The following MYO7B variants were observed in gnomAD, a reference collection of about 807,000 sequenced individuals.
The protein encoded by MYO7B is myosin VIIB, also known as unconventional myosin-VIIb.
In MYO7B, 212 loss-of-function variants were observed where a neutral mutation model predicts 259.7. That is an observed-to-expected ratio of 0.82 (90% CI 0.73 to 0.91). The LOEUF (loss-of-function observed/expected upper bound fraction) is 0.91. Ranked by LOEUF, MYO7B falls within the 40% of genes least tolerant of loss-of-function variation. MYO7B has a pLI of 0.00. For missense variants in MYO7B, 2,732 were observed against 2,813.5 expected, an observed-to-expected ratio of 0.97 and a Z score of 0.66; for synonymous variants, 1,197 against 1,166.4, an observed-to-expected ratio of 1.03 and a Z score of -0.54.
At chr2:127,556,175 T>A (rs754521479) in intron 1 of MYO7B, among the ~76,000 whole-genome samples, 2 of 152,248 alleles carry the variant, frequency 1.3e-5, no homozygotes, top group Non-Finnish European at 2.9e-5. Context: ...CTTTAACTGC[T>A]GTTGCTTTAA....
rs1677956710 is a variant in MYO7B at position 127,559,123 on chromosome 2, C to T, written c.-23-577C>T. 6.6e-6 allele frequency among the ~76,000 whole-genome samples: 1 copy of T among 152,206 alleles called. No individual in the cohort carries two copies. The highest frequency in any genetic ancestry group is 1.5e-5 in the Non-Finnish European group (1 of 68,026). ...AGTGGGCTCCTCCCCGCTCCTCCTCCTGCTGGGCCTGGCTGCCTACTTGGG... is the reference window on the plus strand; with the variant it reads ...AGTGGGCTCCTCCCCGCTCCTCCTCTTGCTGGGCCTGGCTGCCTACTTGGG... On this transcript the variant is annotated intron_variant, in intron 1 of 47. Transcript: ENST00000409816. The surrounding 1 kb of genome is among the most constrained non-coding windows in gnomAD (Gnocchi z 4.1).
chr2:127,630,819 T>C lies in MYO7B; in HGVS notation c.4848T>C (p.Ala1616=). ...AMSPEKRKLA[A]QEGQFTEPRP... ...CACCAGAGAAGAGGAAGCTGGCGGC[T>C]CAGGAGGGGCAGTTCACAGAGCCAC... Residue 1616 remains alanine (A), a synonymous_variant, in exon 36 of 48, where the codon GCT becomes GCC. Coordinates refer to ENST00000409816, the MANE Select transcript of MYO7B (RefSeq NM_001393586.1). 2 of 1,612,972 alleles carry C rather than the reference T, an allele frequency of 1.2e-6. No individual in the cohort carries two copies. Among genetic ancestry groups the C allele is most frequent in the Non-Finnish European group, 8.5e-7 (1 of 1,179,758 alleles).
At position 127,628,052 on chromosome 2, in the gene MYO7B, T is replaced by A; in HGVS notation, c.4461-320T>A. 1.8e-6 allele frequency: 1 copy of A among 548,268 alleles called. No homozygotes were observed. Among genetic ancestry groups the A allele is most frequent in the Non-Finnish European group, 3.5e-6 (1 of 286,624 alleles). 34.0% of individuals were successfully genotyped at this position (548,268 alleles called of 1,614,324 possible). ...GGTTAGGTGGCTCAGAGTAAGCACA[T>A]GGCAGAGCCGGCAGCTCATCTCAGC... is the stretch of plus-strand genomic sequence containing the variant. On this transcript the variant is annotated intron_variant, in intron 33 of 47. Coordinates refer to ENST00000409816, the MANE Select transcript of MYO7B (RefSeq NM_001393586.1). The surrounding 1 kb of genome is among the most constrained non-coding windows in gnomAD (Gnocchi z 4.8).
At chr2:127,566,346 A>T (rs1678341534) in intron 4 of MYO7B, among the ~76,000 whole-genome samples, 1 of 152,186 alleles carries the variant, frequency 6.6e-6, no homozygotes, top group African/African-American at 2.4e-5. Context: ...TACTTAGTCC[A>T]TTTTTATCGA....
At chr2:127,574,208 C>A (rs1678766279) in intron 7 of MYO7B, 146 bp downstream of exon 7, 3 of 1,068,186 alleles carry the variant, frequency 2.8e-6, no homozygotes, top group Non-Finnish European at 4.0e-6. Context: ...GAGGGCCCTT[C>A]CCCAGTATTC....
rs188240140 is a variant in MYO7B at position 127,575,463 on chromosome 2, A to G, written c.736-1132A>G. 9.2e-5 allele frequency among the ~76,000 whole-genome samples: 14 copies of G among 152,278 alleles called. No homozygotes were observed. The East Asian group carries it at 1.2e-3, about 13-fold the overall frequency. On this transcript the variant is annotated intron_variant, in intron 7 of 47. Transcript: ENST00000409816. ...AAGAATTTAAAATTACGGCATATCT[A>G]TACTACAGAGGAGGCGGTCTGTCCA...
At position 127,582,292 on chromosome 2, in the gene MYO7B, G is replaced by A. The variant is rs772587178; in HGVS notation, c.1201-12G>A. 1.9e-5 allele frequency: 31 copies of A among 1,611,954 alleles called. No homozygotes were observed. Among genetic ancestry groups the A allele is most frequent in the South Asian group, 7.7e-5 (7 of 90,438 alleles). On this transcript the variant is annotated splice_polypyrimidine_tract_variant and intron_variant, in intron 11 of 47. Coordinates refer to ENST00000409816, the MANE Select transcript of MYO7B (RefSeq NM_001393586.1). ...CCAAGCCCAGGATTCTCCCACCCCC[G>A]TGTCTCTCCAGGGCATCTATGGGCA... is the stretch of plus-strand genomic sequence containing the variant.
chr2:127,547,339 C>T (rs553251235), intron 1 of MYO7B, among the ~76,000 whole-genome samples: 2 of 152,260 alleles, frequency 1.3e-5, no homozygotes, highest in African/African-American at 4.8e-5. Context: ...AAATCGCAGC[C>T]TCTGCATGTG....
Position 127,609,675 on chromosome 2 carries a change from GATACCC to G in MYO7B, c.2985_2990del (p.Tyr996_Pro997del). ...CACACACACATCCGGCGGCCCCTCC[GATACCC>G]GTTGCTTTACCACGAAGATGACACT... On this transcript the variant is annotated inframe_deletion, in exon 23 of 48. Coordinates refer to ENST00000409816, the MANE Select transcript of MYO7B (RefSeq NM_001393586.1). This position sits in a 1 kb window ranked among gnomAD's most constrained non-coding sequence, Gnocchi z 6.9. The G allele has an allele frequency of 6.2e-7, 1 of 1,613,938 alleles. No individual in the cohort carries two copies. Among genetic ancestry groups the G allele is most frequent in the Non-Finnish European group, 8.5e-7 (1 of 1,179,864 alleles).
At chr2:127,555,816 C>T (rs560844157) in intron 1 of MYO7B, among the ~76,000 whole-genome samples, 11 of 152,226 alleles carry the variant, frequency 7.2e-5, no homozygotes, top group East Asian at 1.9e-4. Context: ...TGTGGCTTAT[C>T]GTATGGTCTA....
chr2:127,609,977 G>A lies in MYO7B; in HGVS notation c.3153G>A (p.Glu1051=). The stretch of plus-strand genomic sequence containing the variant: ...AGATCCATGACACGCTGGGCAGGGA[G>A]CACGGTGCCCAGGTTCCACAGCACA... ...MRQIHDTLGR[E]HGAQVPQHSR... The change falls in exon 24 of 48, where the codon GAG becomes GAA. Residue 1051 remains glutamate (E), a synonymous_variant. Coordinates refer to ENST00000409816, the MANE Select transcript of MYO7B (RefSeq NM_001393586.1). This position sits in a 1 kb window ranked among gnomAD's most constrained non-coding sequence, Gnocchi z 6.9. The A allele has an allele frequency of 6.2e-7, 1 of 1,608,550 alleles. No homozygotes were observed. Among genetic ancestry groups the A allele is most frequent in the Non-Finnish European group, 8.5e-7 (1 of 1,177,556 alleles).
At chr2:127,596,372 A>T in intron 18 of MYO7B, 90 bp from the exon 19 acceptor site, 1 of 1,064,080 alleles carries the variant, frequency 9.4e-7, no homozygotes. Flanking sequence ...AGCCTGAGAG[A>T]TGCTACCTTC....
At position 127,589,158 on chromosome 2, in the gene MYO7B, G is replaced by C. The variant is rs1416220270; in HGVS notation, c.1854+603G>C. ...GGATGGGTGGGTGGCTGTGTGGATGGGTGAGTGGATGGACGGGTGGGTGGG... is the reference window on the plus strand; with the variant it reads ...GGATGGGTGGGTGGCTGTGTGGATGCGTGAGTGGATGGACGGGTGGGTGGG... On this transcript the variant is annotated intron_variant, in intron 15 of 47. Coordinates refer to ENST00000409816, the MANE Select transcript of MYO7B (RefSeq NM_001393586.1). 2.0e-5 allele frequency among the ~76,000 whole-genome samples: 3 copies of C among 149,904 alleles called. No homozygotes were observed. In the East Asian group the frequency reaches 6.0e-4, roughly 30 times the overall value.
intron 1 of MYO7B, among the ~76,000 whole-genome samples, chr2:127,537,181 A>G (rs1159270611): frequency 3.2e-4 from 49 of 152,204 alleles, no homozygotes. Flanking sequence ...CAGAAAACAA[A>G]AGGGGATTAG....
chr2:127,634,672 C>A lies in MYO7B; in HGVS notation c.5702C>A (p.Pro1901His). ...TCTGACTGGGTGAAGAAGAACAAGC[C>A]CCAGAAAGAAGGTGAGGAGGCCTCT... ...EVSDWVKKNKPQKEGAPVTLP... is the reference protein window; with the variant it reads ...EVSDWVKKNKHQKEGAPVTLP... The change falls in exon 42 of 48, where the codon CCC becomes CAC. Residue 1901 changes from proline to histidine, a missense_variant. Physicochemically the swap from Pro to His is moderately conservative, Grantham distance 77 (BLOSUM62 -2). Around this residue, in one of 3 missense-constraint regions of MYO7B, gnomAD observed 821 missense variants for 769.3 expected, o/e 1.07. Coordinates refer to ENST00000409816, the MANE Select transcript of MYO7B (RefSeq NM_001393586.1). 6.2e-7 allele frequency: 1 copy of A among 1,610,534 alleles called. No individual in the cohort carries two copies. The highest frequency in any genetic ancestry group is 2.2e-5 in the East Asian group (1 of 44,852).
intron 1 of MYO7B, among the ~76,000 whole-genome samples, chr2:127,538,634 C>A (rs966252741): frequency 6.6e-6 from 1 of 151,664 alleles, no homozygotes; most frequent in East Asian, 1.9e-4. Flanking sequence ...GGCATGATCT[C>A]GGCTCACTGC....
intron 1 of MYO7B, among the ~76,000 whole-genome samples, chr2:127,558,667 G>GTA (rs1347517712): frequency 1.3e-5 from 2 of 152,040 alleles, no homozygotes; most frequent in African/African-American, 4.8e-5. Context: ...AGATATAGAC[G>GTA]TATATATATG....
At position 127,597,614 on chromosome 2, in the gene MYO7B, T is replaced by TTTA. The variant is rs1289746458; in HGVS notation, c.2339+1061_2339+1063dup. ...ATCCAGGTTATTGCTTGCATTAATATTTATTTATTTATTTATTTATTTATT... is the reference window on the plus strand; with the variant it reads ...ATCCAGGTTATTGCTTGCATTAATATTTATTATTTATTTATTTATTTATTTATT... On this transcript the variant is annotated intron_variant, in intron 19 of 47. Coordinates refer to ENST00000409816, the MANE Select transcript of MYO7B (RefSeq NM_001393586.1). The surrounding 1 kb of genome is among the most constrained non-coding windows in gnomAD (Gnocchi z 4.8). Among the ~76,000 whole-genome samples, 10 of 88,814 alleles carry TTTA rather than the reference T, an allele frequency of 1.1e-4. No individual in the cohort carries two copies. Among genetic ancestry groups the TTTA allele is most frequent in the Admixed American group, 4.0e-4 (4 of 9,910 alleles). The allele number at this position is 88,814 out of a possible 152,430, so 58.3% of individuals were successfully genotyped here. A position where few individuals can be genotyped will look rare whatever the true frequency, so the allele number is the denominator to read the frequency against.
At chr2:127,625,327 A>C in intron 30 of MYO7B, 41 bp from the exon 31 acceptor site, 3 of 1,463,148 alleles carry the variant, frequency 2.1e-6, no homozygotes, top group Non-Finnish European at 2.7e-6. Context: ...GGGAGCTCTC[A>C]CTTGTCTCAC....
Sources: gnomAD v4.1 joint callset for allele counts (sites outside exome capture counted in the v4.1 genomes callset) on GRCh38, gnomAD v4.1.1 for gene constraint, gnomAD v4.1.1 regional missense constraint, Gnocchi (gnomAD v3.1) non-coding constraint, MANE v1.5 for transcripts, NCBI Gene and HGNC (gene_info 2026-07-23, HGNC 2026-07-21) for gene names.